The following NSD1 variants were observed in gnomAD, a reference collection of about 807,000 sequenced individuals.
The protein encoded by NSD1 is nuclear receptor binding SET domain protein 1.
In NSD1, 26 loss-of-function variants were observed where a neutral mutation model predicts 242.7. That is an observed-to-expected ratio of 0.11 (90% CI 0.08 to 0.15). NSD1 has a LOEUF of 0.15. Among genes scored for constraint, NSD1 ranks in the 10% least tolerant of loss-of-function variants. The pLI is 1.00. For missense variants in NSD1, 2,495 were observed against 3,272.8 expected (o/e 0.76, Z 5.80); for synonymous variants, 1,106 against 1,178.1 (o/e 0.94, Z 1.25).
At chr5:177,180,273 T>G (rs1319115694) in intron 2 of NSD1, among the ~76,000 whole-genome samples, 2 of 151,980 alleles carry the variant, frequency 1.3e-5, no homozygotes, top group East Asian at 3.9e-4. Flanking sequence ...TTTTTTGTAT[T>G]TTTAGTAAAG....
chr5:177,224,989 C>T (rs754556661), intron 5 of NSD1, among the ~76,000 whole-genome samples: 12 of 151,810 alleles, frequency 7.9e-5, no homozygotes, highest in Non-Finnish European at 1.5e-4. Context: ...ACTTTGAAGT[C>T]CTGGGGTAAA....
chr5:177,132,867 C>T, upstream of NSD1, among the ~76,000 whole-genome samples: 1 of 152,154 alleles, frequency 6.6e-6, no homozygotes, highest in South Asian at 2.1e-4. This position sits in a 1 kb window ranked among gnomAD's most constrained non-coding sequence, Gnocchi z 7.5. Context: ...GGGCCGAGTC[C>T]CCGGCCCGTC....
intron 19 of NSD1, among the ~76,000 whole-genome samples, chr5:177,283,489 A>G (rs1444557158): frequency 1.3e-5 from 2 of 152,314 alleles, no homozygotes; most frequent in South Asian, 2.1e-4. Flanking sequence ...TCAAACTTCA[A>G]TGTAGTCAGA....
chr5:177,144,413 T>C (rs1174376109), intron 2 of NSD1, among the ~76,000 whole-genome samples: 3 of 152,112 alleles, frequency 2.0e-5, no homozygotes, highest in South Asian at 2.1e-4. Flanking sequence ...TCCAAACTTA[T>C]TTGATTAGTA....
At chr5:177,257,780 A>G (rs1465210234) in intron 13 of NSD1, among the ~76,000 whole-genome samples, 2 of 151,608 alleles carry the variant, frequency 1.3e-5, no homozygotes, top group Admixed American at 1.3e-4. Context: ...CCCCCTATTG[A>G]TTAGAAAACC....
chr5:177,257,137 T>C lies in NSD1; in HGVS notation c.4952T>C (p.Val1651Ala), dbSNP rs142564446. 6.2e-7 allele frequency: 1 copy of C among 1,613,894 alleles called. No individual in the cohort carries two copies. The highest frequency in any genetic ancestry group is 1.3e-5 in the African/African-American group (1 of 74,930). ...TGTCATGCTGCTAATCCAGCCAATGTTTCTGCATCTAAAGGTATGGATTTC... is the reference window on the plus strand; with the variant it reads ...TGTCATGCTGCTAATCCAGCCAATGCTTCTGCATCTAAAGGTATGGATTTC... ...ITCHAANPANVSASKGRLMRC... is the reference protein window; with the variant it reads ...ITCHAANPANASASKGRLMRC... Residue 1651 changes from valine to alanine, a missense_variant, in exon 13 of 23, where the codon GTT becomes GCT. Val to Ala is a moderately conservative substitution (Grantham distance 64, BLOSUM62 0). Transcript: ENST00000439151.
chr5:177,171,156 T>C (rs1759670309), intron 2 of NSD1, among the ~76,000 whole-genome samples: 1 of 151,768 alleles, frequency 6.6e-6, no homozygotes, highest in South Asian at 2.1e-4. Context: ...CCGTCTCTAA[T>C]AAAAATACAA....
intron 2 of NSD1, among the ~76,000 whole-genome samples, chr5:177,158,419 G>A (rs1402644529): frequency 6.7e-6 from 1 of 150,300 alleles, no homozygotes; most frequent in Non-Finnish European, 1.5e-5. Flanking sequence ...GCTCACTGCA[G>A]CCTCCGCCTC....
chr5:177,158,237 A>ATTTATTTC (rs1335086259), intron 2 of NSD1, among the ~76,000 whole-genome samples: 4 of 109,134 alleles, frequency 3.7e-5, no homozygotes, highest in South Asian at 3.3e-4. Context: ...ATGGGTTCTA[A>ATTTATTTC]TTTCTTTCTT....
intron 5 of NSD1, among the ~76,000 whole-genome samples, chr5:177,221,699 G>A (rs1189099411): frequency 1.3e-5 from 2 of 152,164 alleles, no homozygotes; most frequent in Non-Finnish European, 2.9e-5. Flanking sequence ...TCGAACTCCT[G>A]ACCTTATGAT....
At chr5:177,192,094 A>G (rs1405410469) in intron 3 of NSD1, 75 bp downstream of exon 3, 1 of 1,289,654 alleles carries the variant, frequency 7.8e-7, no homozygotes, top group African/African-American at 1.5e-5. Flanking sequence ...TCTTAATAAT[A>G]ATATATTTTT....
intron 14 of NSD1, chr5:177,265,876 G>T: frequency 6.8e-7 from 1 of 1,474,664 alleles, no homozygotes; most frequent in Non-Finnish European, 9.5e-7. Context: ...TCACTTGCAG[G>T]CAGAACGGGG....
chr5:177,193,516 A>T (rs1292421033), intron 3 of NSD1, among the ~76,000 whole-genome samples: 1 of 151,996 alleles, frequency 6.6e-6, no homozygotes, highest in African/African-American at 2.4e-5. Flanking sequence ...ACCTCAGGTG[A>T]TCCTCCTTCC....
At chr5:177,222,359 T>C (rs1369407741) in intron 5 of NSD1, among the ~76,000 whole-genome samples, 2 of 152,192 alleles carry the variant, frequency 1.3e-5, no homozygotes, top group Non-Finnish European at 2.9e-5. Flanking sequence ...CTTTTGGTTA[T>C]ATCCCTAGGA....
intron 2 of NSD1, among the ~76,000 whole-genome samples, chr5:177,161,832 G>T (rs113605957): frequency 0.011 from 1,739 of 151,922 alleles, 37 homozygotes; most frequent in African/African-American, 0.04. Context: ...TGTATTTTTA[G>T]TAGAGATGGG....
chr5:177,247,903 A>G, intron 10 of NSD1: 1 of 984,970 alleles, frequency 1.0e-6, no homozygotes, highest in Non-Finnish European at 1.2e-6. Flanking sequence ...AATAAACTTA[A>G]GAATGTTTTC....
chr5:177,291,812 C>A, intron 21 of NSD1, 142 bp from the exon 22 acceptor site: 1 of 807,640 alleles, frequency 1.2e-6, no homozygotes, highest in South Asian at 1.5e-5. Context: ...CTGTGATGTA[C>A]CAGGTACCTT....
At chr5:177,289,070 A>C in intron 21 of NSD1, 145 bp downstream of exon 21, 1 of 700,720 alleles carries the variant, frequency 1.4e-6, no homozygotes, top group South Asian at 1.5e-5. Flanking sequence ...CTGTAATCCC[A>C]GCACTTTGGG....
At chr5:177,206,005 A>G (rs1762842076) in intron 4 of NSD1, among the ~76,000 whole-genome samples, 1 of 151,720 alleles carries the variant, frequency 6.6e-6, no homozygotes, top group African/African-American at 2.4e-5. Flanking sequence ...ATTTATTATT[A>G]TTATTATTTT....
Sources: allele counts gnomAD v4.1 joint callset (sites outside exome capture counted in the v4.1 genomes callset), GRCh38; gene constraint gnomAD v4.1.1; non-coding constraint Gnocchi (gnomAD v3.1); transcripts MANE v1.5; gene names NCBI Gene and HGNC (gene_info 2026-07-23, HGNC 2026-07-21).